LRRC71: variants seen among roughly 807,000 people sequenced by gnomAD.
LRRC71 encodes leucine rich repeat containing 71.
A neutral mutation model predicts 66.6 loss-of-function variants in LRRC71; 54 were observed. That is an observed-to-expected ratio of 0.81 (90% CI 0.65 to 1.02). The LOEUF is 1.02. LRRC71 is among the 50% of genes least tolerant of loss of function. The pLI is 0.00. For missense variants in LRRC71, 724 were observed against 718.0 expected (o/e 1.01, Z -0.10); for synonymous variants, 323 against 303.9 (o/e 1.06, Z -0.65).
At chr1:156,935,476 A>T (rs1354536746), downstream of LRRC71, 1 of 152,538 alleles carries the variant, frequency 6.6e-6, no homozygotes, top group Non-Finnish European at 1.5e-5. Flanking sequence ...CACTTCAGGA[A>T]CAGGAACAAA....
downstream of LRRC71, chr1:156,935,883 T>C: frequency 8.2e-7 from 1 of 1,221,484 alleles, no homozygotes; most frequent in Non-Finnish European, 1.1e-6. Flanking sequence ...GATCCTAGTT[T>C]CCCTAACTGC....
intron 9 of LRRC71, 29 bp downstream of exon 9, chr1:156,928,033 C>T (rs766948106): frequency 1.3e-6 from 2 of 1,561,820 alleles, no homozygotes; most frequent in East Asian, 4.8e-5. Flanking sequence ...CCAGGACCAG[C>T]CGAGAGCCCC....
chr1:156,937,329 G>C, downstream of LRRC71: 1 of 1,613,932 alleles, frequency 6.2e-7, no homozygotes, highest in Non-Finnish European at 8.5e-7. Context: ...AGGCTTGGAG[G>C]AGAGCGGCTG....
intron 5 of LRRC71, among the ~76,000 whole-genome samples, chr1:156,926,545 G>C (rs1653224524): frequency 6.6e-6 from 1 of 151,172 alleles, no homozygotes; most frequent in Non-Finnish European, 1.5e-5. Flanking sequence ...TTAGAAGTGA[G>C]TCACTTATTT....
chr1:156,940,480 G>T, the LRRC71 span: 3 of 1,514,646 alleles, frequency 2.0e-6, no homozygotes, highest in South Asian at 3.9e-5. Flanking sequence ...GCACGTATGG[G>T]AGAGCCTATG....
chr1:156,924,271 C>T (rs1652847859), intron 2 of LRRC71, among the ~76,000 whole-genome samples, 153 bp from the exon 3 acceptor site: 1 of 152,134 alleles, frequency 6.6e-6, no homozygotes, highest in Non-Finnish European at 1.5e-5. Flanking sequence ...CTTTCCAACC[C>T]AGCAGAGGCG....
In LRRC71 at chr1:156,927,941, C is replaced by T. The variant is rs144182420; in HGVS notation, c.933C>T (p.His311=). 1.5e-3 allele frequency: 2,375 copies of T among 1,612,134 alleles called. 28 individuals carry two copies. The East Asian group carries it at 0.022, about 15-fold the overall frequency. Residue 311 remains histidine (H), a synonymous_variant, in exon 9 of 15, where the codon CAC becomes CAT. Coordinates refer to ENST00000337428, the MANE Select transcript of LRRC71 (RefSeq NM_144702.3). ...AEVLRAFELT[H]TEVVERRRLL... ...TCCTGCGCGCCTTCGAGCTGACACA[C>T]ACCGAAGTGGTGGAGCGCCGACGCC...
intron 4 of LRRC71, 31 bp downstream of exon 4, chr1:156,924,749 C>T (rs1409434257): frequency 6.5e-7 from 1 of 1,549,324 alleles, no homozygotes; most frequent in Admixed American, 2.0e-5. Flanking sequence ...GGGCGGGGGA[C>T]CAGAGTGGGA....
intron 11 of LRRC71, 108 bp downstream of exon 11, chr1:156,929,837 T>C (rs1654005748): frequency 8.1e-6 from 7 of 860,030 alleles, no homozygotes; most frequent in African/African-American, 1.7e-5. Flanking sequence ...CTGGAGCTCA[T>C]CTCGCCATGC....
chr1:156,929,186 C>A, intron 9 of LRRC71, 94 bp from the exon 10 acceptor site: 1 of 1,451,224 alleles, frequency 6.9e-7, no homozygotes, highest in Non-Finnish European at 9.2e-7. Context: ...GTCAGCTCGA[C>A]TGCTCCCCAA....
rs1055475867 is a variant in LRRC71, at chr1:156,924,552, G to A, written c.439G>A (p.Gly147Ser). The A allele has an allele frequency of 1.3e-6, 2 of 1,551,570 alleles. No individual in the cohort carries two copies. The highest frequency in any genetic ancestry group is 8.7e-7 in the Non-Finnish European group (1 of 1,146,984). ...GTCAGTGAAGGAAATCTACATCCGC[G>A]GTGAGCCCCGCTCCCCCCACCCGCC... ...SKSVKEIYIR[G>S]WKVEERILGV... The change falls in exon 3 of 15, where the codon GGT becomes AGT. Residue 147 changes from glycine to serine, a missense_variant and splice_region_variant. Transcript: ENST00000337428.
chr1:156,930,060 T>TTTTCTTTCTTTCTTTTTCTTTC lies in LRRC71; in HGVS notation c.1240+346_1240+347insTTCTTTCTTTCTTTCTTTCTTT, dbSNP rs1654091413. Among the ~76,000 whole-genome samples, 23 of 126,204 alleles carry TTTTCTTTCTTTCTTTTTCTTTC rather than the reference T, an allele frequency of 1.8e-4. 1 individual carries two copies. The highest frequency in any genetic ancestry group is 9.8e-4 in the East Asian group (4 of 4,064). The allele number at this position is 126,204 out of a possible 152,430, so 82.8% of individuals were successfully genotyped here. On this transcript the variant is annotated intron_variant, in intron 11 of 14. Transcript: ENST00000337428. ...TCTTTCTTTCTCTTTCTTTCTTTCT[T>TTTTCTTTCTTTCTTTTTCTTTC]TTTCTTTCTTTCTTTCTTTTCTTTC...
At chr1:156,937,742 G>C (rs1045387132), downstream of LRRC71, among the ~76,000 whole-genome samples, 1 of 152,226 alleles carries the variant, frequency 6.6e-6, no homozygotes, top group African/African-American at 2.4e-5. Flanking sequence ...ATGAACTCAA[G>C]GGAGAAGTGG....
In LRRC71 at chr1:156,927,827, C is replaced by G. The variant is rs569302154; in HGVS notation, c.906+11C>G. 6.2e-7 allele frequency: 1 copy of G among 1,613,384 alleles called. No individual in the cohort carries two copies. Among genetic ancestry groups the G allele is most frequent in the East Asian group, 2.2e-5 (1 of 44,858 alleles). ...CTGAAGCTGGCTGAGGTGGGTGTGC[C>G]GATCAGGTGGGGCAGGGGCGTGGGC... On this transcript the variant is annotated intron_variant, in intron 8 of 14. Transcript: ENST00000337428.
chr1:156,933,829 C>T (rs1168799252), downstream of LRRC71, among the ~76,000 whole-genome samples: 1 of 152,224 alleles, frequency 6.6e-6, no homozygotes, highest in South Asian at 2.1e-4. Flanking sequence ...TTCCTCACTT[C>T]TAAGCAGATT....
At chr1:156,931,789 C>A in intron 12 of LRRC71, 127 bp from the exon 13 acceptor site, 1 of 724,394 alleles carries the variant, frequency 1.4e-6, no homozygotes, top group Non-Finnish European at 2.3e-6. Flanking sequence ...TTTGTATCCC[C>A]AGCACTTGGG....
downstream of LRRC71, chr1:156,937,628 G>A (rs957109781): frequency 1.8e-5 from 18 of 973,386 alleles, no homozygotes; most frequent in Non-Finnish European, 2.5e-5. Context: ...CTCAGAGAAC[G>A]TGGGCCTTGC....
chr1:156,928,371 C>CTTCTTCTTCTTCTTCTTCTTCTTCT (rs2101630836), intron 9 of LRRC71, among the ~76,000 whole-genome samples: 1 of 119,968 alleles, frequency 8.3e-6, no homozygotes, highest in South Asian at 3.0e-4. Context: ...TCCTCTTCTT[C>CTTCTTCTTCTTCTTCTTCTTCTTCT]TTCTTCTTCT....
chr1:156,924,564 T>TGCCCCCCC lies in LRRC71; in HGVS notation c.439+12_439+13insGCCCCCCC. On this transcript the variant is annotated intron_variant, in intron 3 of 14. Transcript: ENST00000337428. ...AATCTACATCCGCGGTGAGCCCCGCTCCCCCCACCCGCCCCAGCTCCCTCC... is the reference window on the plus strand; with the variant it reads ...AATCTACATCCGCGGTGAGCCCCGCTGCCCCCCCCCCCCCACCCGCCCCAGCTCCCTCC... 2.0e-6 allele frequency: 3 copies of TGCCCCCCC among 1,531,754 alleles called. No homozygotes were observed. The highest frequency in any genetic ancestry group is 2.7e-6 in the Non-Finnish European group (3 of 1,131,872). The allele number at this position is 1,531,754 out of a possible 1,614,324, so 94.9% of individuals were successfully genotyped here.
Sources: allele counts gnomAD v4.1 joint callset (sites outside exome capture counted in the v4.1 genomes callset), GRCh38; gene constraint gnomAD v4.1.1; transcripts MANE v1.5; gene names NCBI Gene and HGNC (gene_info 2026-07-23, HGNC 2026-07-21).